The following KDELR1 variants were observed in gnomAD, a reference collection of about 807,000 sequenced individuals.
KDELR1 encodes the protein KDEL endoplasmic reticulum protein retention receptor 1.
A neutral mutation model predicts 25.5 loss-of-function variants in KDELR1; 16 were observed. The ratio of observed to expected loss-of-function variants is 0.63; its 90% CI spans 0.43 to 0.95. The LOEUF (loss-of-function observed/expected upper bound fraction) is 0.95. KDELR1 is among the 40% of genes least tolerant of loss of function. The probability of loss-of-function intolerance (pLI) is 0.00; values close to 1 mark genes in which losing one functional copy is unlikely to be tolerated. For synonymous variants in KDELR1, 121 were observed against 115.0 expected (o/e 1.05, Z -0.33); for missense variants, 159 against 265.2 (o/e 0.60, Z 2.78).
At position 48,389,729 on chromosome 19, in the gene KDELR1, G is replaced by C. The variant is rs910325601; in HGVS notation, c.193-18C>G. ...TAGACCACCTGAGGAGGGGGATGAT[G>C]AGAAGGGGCCTCAACTCACAGGCCT... On this transcript the variant is annotated intron_variant, in intron 2 of 4. Transcript: ENST00000330720. 1 of 1,613,322 alleles carries C rather than the reference G, an allele frequency of 6.2e-7. No homozygotes were observed. Among genetic ancestry groups the C allele is most frequent in the African/African-American group, 1.3e-5 (1 of 74,884 alleles).
In KDELR1 at chr19:48,389,548, C is replaced by A; in HGVS notation, c.351+5G>T. On this transcript the variant is annotated splice_donor_5th_base_variant and intron_variant, in intron 3 of 4. Coordinates refer to ENST00000330720, the MANE Select transcript of KDELR1 (RefSeq NM_006801.3). ...CCAAATAAGGAGTCACAGCAAGGCG[C>A]CTACCTCCAGAGGGGTGAAGTCATG... is the stretch of plus-strand genomic sequence containing the variant. 6.2e-7 allele frequency: 1 copy of A among 1,613,994 alleles called. No individual in the cohort carries two copies. The highest frequency in any genetic ancestry group is 1.1e-5 in the South Asian group (1 of 91,078).
At chr19:48,397,129 C>A in the KDELR1 span, among the ~76,000 whole-genome samples, 1 of 152,108 alleles carries the variant, frequency 6.6e-6, no homozygotes, top group African/African-American at 2.4e-5. Flanking sequence ...GCTGTGCCCC[C>A]CAACCCCACA....
Position 48,389,647 on chromosome 19 carries a change from T to C in KDELR1, c.257A>G (p.Tyr86Cys). The change falls in exon 3 of 5, where the codon TAC (tyrosine) becomes TGC (cysteine). Residue 86 changes from tyrosine to cysteine, a missense_variant. Transcript: ENST00000330720. ...WLIYSKFKAT[Y>C]DGNHDTFRVE... Reference sequence around the variant, plus strand: ...TCTGAACGTGTCATGGTTCCCATCGTAAGTAGCTTTGAACTTGCTATAAAT... The same window carrying C: ...TCTGAACGTGTCATGGTTCCCATCGCAAGTAGCTTTGAACTTGCTATAAAT... 1 of 1,614,150 alleles carries C rather than the reference T, an allele frequency of 6.2e-7. No individual in the cohort carries two copies. The highest frequency in any genetic ancestry group is 8.5e-7 in the Non-Finnish European group (1 of 1,179,990).
At chr19:48,396,410 G>A (rs1600965819), upstream of KDELR1, among the ~76,000 whole-genome samples, 1 of 152,202 alleles carries the variant, frequency 6.6e-6, no homozygotes, top group South Asian at 2.1e-4. Flanking sequence ...GGGACGCGGG[G>A]TCCCTAAGAG....
the KDELR1 span, among the ~76,000 whole-genome samples, chr19:48,397,051 C>T: frequency 2.0e-5 from 3 of 152,118 alleles, no homozygotes; most frequent in Non-Finnish European, 2.9e-5. Flanking sequence ...TGTATTTCCT[C>T]TAATTTACCA....
In KDELR1 at chr19:48,384,366, G is replaced by A. The variant is rs34065735; in HGVS notation, c.468C>T (p.Gly156=). The A allele has an allele frequency of 2.9e-4, 471 of 1,614,210 alleles. No homozygotes were observed. In the African/African-American group the frequency reaches 4.2e-3, roughly 14 times the overall value. Residue 156 remains glycine, a synonymous_variant, in exon 4 of 5, where the codon GGC becomes GGT. Coordinates refer to ENST00000330720, the MANE Select transcript of KDELR1 (RefSeq NM_006801.3). This position sits in a 1 kb window ranked among gnomAD's most constrained non-coding sequence, Gnocchi z 4.6. ...TGAAGAGATAGAGCGTGCGGTAAAC[G>A]CCTAGCGCAAACAAGTAGTGGCTGG... ...TITSHYLFAL[G]VYRTLYLFNW...
upstream of KDELR1, among the ~76,000 whole-genome samples, chr19:48,392,125 C>T (rs988009844): frequency 2.8e-5 from 4 of 144,702 alleles, no homozygotes; most frequent in Non-Finnish European, 6.1e-5. Context: ...CTCGCTCAGA[C>T]CCAGGAGTCC....
chr19:48,395,048 C>T (rs1266045844), upstream of KDELR1: 2 of 152,304 alleles, frequency 1.3e-5, no homozygotes, highest in African/African-American at 4.8e-5. Context: ...GAACGGTGGG[C>T]AGGGGTCTTG....
chr19:48,393,760 C>T (rs948558202), upstream of KDELR1, among the ~76,000 whole-genome samples: 4 of 152,206 alleles, frequency 2.6e-5, no homozygotes, highest in Middle Eastern at 3.4e-3. The surrounding 1 kb of genome is among the most constrained non-coding windows in gnomAD (Gnocchi z 5.6). Context: ...CCGCCACCCT[C>T]GCCCGCAGCC....
At chr19:48,396,552 G>A in the KDELR1 span, among the ~76,000 whole-genome samples, 10 of 152,080 alleles carry the variant, frequency 6.6e-5, no homozygotes, top group East Asian at 3.9e-4. Context: ...ATTTTGGGGC[G>A]GAGTGGGGGG....
Position 48,384,300 on chromosome 19 carries a change from G to T in KDELR1, c.534C>A (p.Leu178=). The change falls in exon 4 of 5, where the codon CTC becomes CTA. Residue 178 remains leucine (L), a synonymous_variant. Transcript: ENST00000330720. The surrounding 1 kb of genome is among the most constrained non-coding windows in gnomAD (Gnocchi z 4.6). ...GGACCAGGCCTGCCACAATGGCGAT[G>T]AGGTCGAAGAAGCCCTCGAAATGGT... ...WRYHFEGFFD[L]IAIVAGLVQT... 6.2e-7 allele frequency: 1 copy of T among 1,614,256 alleles called. No homozygotes were observed. Among genetic ancestry groups the T allele is most frequent in the South Asian group, 1.1e-5 (1 of 91,092 alleles).
At chr19:48,390,295 C>CAG in intron 2 of KDELR1, 129 bp downstream of exon 2, 1 of 652,228 alleles carries the variant, frequency 1.5e-6, no homozygotes, top group Non-Finnish European at 2.7e-6. Flanking sequence ...GTCCAGGCCC[C>CAG]CGGCCCCTCC....
chr19:48,389,438 T>C (rs1473494805), intron 3 of KDELR1, 115 bp downstream of exon 3: 1 of 1,269,480 alleles, frequency 7.9e-7, no homozygotes, highest in Admixed American at 1.9e-5. Context: ...TTATGCATCC[T>C]AAAATAAGGC....
chr19:48,395,923 G>A (rs527755992), upstream of KDELR1, among the ~76,000 whole-genome samples: 58 of 152,134 alleles, frequency 3.8e-4, no homozygotes, highest in Non-Finnish European at 7.9e-4. Context: ...GGGGCAGGAG[G>A]GGCCTGGCCT....
upstream of KDELR1, among the ~76,000 whole-genome samples, chr19:48,396,088 C>T (rs570250604): frequency 2.0e-5 from 3 of 152,222 alleles, no homozygotes; most frequent in South Asian, 6.2e-4. Flanking sequence ...TCTCCTGAGT[C>T]CCTGACAGGG....
chr19:48,390,736 C>G, intron 1 of KDELR1: 1 of 552,090 alleles, frequency 1.8e-6, no homozygotes, highest in Non-Finnish European at 3.2e-6. Context: ...TGAGCAGGGC[C>G]CTTTCCCACG....
Position 48,384,017 on chromosome 19 carries a change from T to A in KDELR1, c.604+213A>T, listed in dbSNP as rs994544014. Among the ~76,000 whole-genome samples, 6 of 152,176 alleles carry A rather than the reference T, an allele frequency of 3.9e-5. No homozygotes were observed. Among genetic ancestry groups the A allele is most frequent in the Non-Finnish European group, 7.3e-5 (5 of 68,034 alleles). On this transcript the variant is annotated intron_variant, in intron 4 of 4. Transcript: ENST00000330720. The surrounding 1 kb of genome is among the most constrained non-coding windows in gnomAD (Gnocchi z 4.6). ...TGCCTGGCCTACGCTCCAAGTGACA[T>A]GGGGGCTAAGGACAGAAACTCCTTA...
At chr19:48,388,296 G>A (rs909539859) in intron 3 of KDELR1, among the ~76,000 whole-genome samples, 3 of 152,190 alleles carry the variant, frequency 2.0e-5, no homozygotes, top group Non-Finnish European at 4.4e-5. Flanking sequence ...CAAAGTCTCA[G>A]TAAATTCTCA....
intron 1 of KDELR1, chr19:48,390,771 G>A (rs1176474011): frequency 1.9e-6 from 1 of 514,490 alleles, no homozygotes; most frequent in East Asian, 3.4e-5. Flanking sequence ...GGCAGCCCAG[G>A]CCCCCGAAGC....
Sources: allele counts gnomAD v4.1 joint callset (sites outside exome capture counted in the v4.1 genomes callset), GRCh38; gene constraint gnomAD v4.1.1; non-coding constraint Gnocchi (gnomAD v3.1); transcripts MANE v1.5; gene names NCBI Gene and HGNC (gene_info 2026-07-23, HGNC 2026-07-21).